BMPR1B: variants seen among roughly 807,000 people sequenced by gnomAD.
BMPR1B encodes bone morphogenetic protein receptor type-1B.
BMPR1B carries 12 observed loss-of-function variants against 59.1 expected under a neutral mutation model. The observed-to-expected ratio is 0.20, with a 90% CI of 0.13 to 0.33. The LOEUF (loss-of-function observed/expected upper bound fraction) is 0.33, where lower values mean the gene tolerates loss of function less well. Ranked by LOEUF, BMPR1B falls within the 10% of genes least tolerant of loss-of-function variation. The probability of loss-of-function intolerance (pLI) is 1.00; values close to 1 mark genes in which losing one functional copy is unlikely to be tolerated. For synonymous variants in BMPR1B, 237 were observed against 207.3 expected (o/e 1.14, Z -1.23); for missense variants, 550 against 610.9 (o/e 0.90, Z 1.05).
intron 10 of BMPR1B, among the ~76,000 whole-genome samples, chr4:95,147,096 C>T (rs1007036091): frequency 6.6e-6 from 1 of 151,624 alleles, no homozygotes; most frequent in Middle Eastern, 3.2e-3. Context: ...TTTTTTTTAA[C>T]GTCTTAACTT....
intron 3 of BMPR1B, among the ~76,000 whole-genome samples, chr4:95,063,296 A>G (rs1270577458): frequency 2.0e-5 from 3 of 152,184 alleles, no homozygotes; most frequent in Non-Finnish European, 2.9e-5. Context: ...TAATATGTGC[A>G]TGTTTCCATT....
intron 1 of BMPR1B, among the ~76,000 whole-genome samples, chr4:94,866,581 T>G (rs1370412931): frequency 6.6e-6 from 1 of 152,052 alleles, no homozygotes; most frequent in Non-Finnish European, 1.5e-5. Flanking sequence ...TGCTTTTTTG[T>G]TTTTGTTTGT....
At chr4:95,068,318 A>G (rs1209616827) in intron 3 of BMPR1B, among the ~76,000 whole-genome samples, 2 of 152,206 alleles carry the variant, frequency 1.3e-5, no homozygotes, top group Non-Finnish European at 2.9e-5. Context: ...CTTGTCTCTC[A>G]CATAATAGAC....
chr4:94,758,096 C>T (rs1163289709), intron 1 of BMPR1B, 28 bp downstream of exon 1: 1 of 148,638 alleles, frequency 6.7e-6, no homozygotes, highest in South Asian at 1.8e-4. Flanking sequence ...GGGCCCCGTC[C>T]CCTGCGGGTG....
intron 2 of BMPR1B, among the ~76,000 whole-genome samples, chr4:94,921,743 A>G (rs1057451824): frequency 2.6e-5 from 4 of 152,214 alleles, no homozygotes; most frequent in African/African-American, 9.6e-5. Context: ...AGATCCAATT[A>G]TATCAATAAA....
intron 3 of BMPR1B, among the ~76,000 whole-genome samples, chr4:95,059,451 A>G (rs990450773): frequency 1.3e-5 from 2 of 152,310 alleles, no homozygotes; most frequent in Non-Finnish European, 2.9e-5. Flanking sequence ...TAAAGGAGAA[A>G]GAGCCTTGTG....
chr4:94,869,875 C>T (rs1038775239), intron 1 of BMPR1B, among the ~76,000 whole-genome samples: 5 of 152,150 alleles, frequency 3.3e-5, no homozygotes, highest in East Asian at 3.9e-4. Context: ...CCACTTTCCC[C>T]CTTGAGGCCT....
At chr4:95,015,194 A>G (rs987925508) in intron 3 of BMPR1B, among the ~76,000 whole-genome samples, 1 of 152,148 alleles carries the variant, frequency 6.6e-6, no homozygotes, top group African/African-American at 2.4e-5. Context: ...GGTGATCTTC[A>G]CTGACACACA....
chr4:94,940,090 A>G (rs1412565669), intron 2 of BMPR1B, among the ~76,000 whole-genome samples: 1 of 152,220 alleles, frequency 6.6e-6, no homozygotes, highest in Non-Finnish European at 1.5e-5. Context: ...TAAAAAATAA[A>G]CATTTGTGAA....
chr4:94,909,249 G>A (rs1728182696), intron 2 of BMPR1B, among the ~76,000 whole-genome samples: 1 of 152,068 alleles, frequency 6.6e-6, no homozygotes, highest in East Asian at 1.9e-4. Flanking sequence ...TAATAGAGAA[G>A]ACTCTATTTC....
chr4:94,906,545 G>T (rs1050906335), intron 2 of BMPR1B, among the ~76,000 whole-genome samples: 1 of 151,912 alleles, frequency 6.6e-6, no homozygotes. Flanking sequence ...TGCATGTGGG[G>T]CTTAAAACCT....
At chr4:95,134,233 T>C (rs1024778504) in intron 10 of BMPR1B, among the ~76,000 whole-genome samples, 1 of 152,214 alleles carries the variant, frequency 6.6e-6, no homozygotes, top group Non-Finnish European at 1.5e-5. Context: ...TAGTATTCCA[T>C]GGTGTATATG....
At chr4:94,815,694 T>G (rs1179539624) in intron 1 of BMPR1B, among the ~76,000 whole-genome samples, 1 of 152,238 alleles carries the variant, frequency 6.6e-6, no homozygotes, top group East Asian at 1.9e-4. Flanking sequence ...TACTTTTACC[T>G]ACTCTAAGCA....
rs367590218 is a variant in BMPR1B at position 94,765,169 on chromosome 4, A to C, written c.-183+7101A>C. 3.3e-4 allele frequency among the ~76,000 whole-genome samples: 50 copies of C among 152,308 alleles called. No homozygotes were observed. In the South Asian group the frequency reaches 8.1e-3, roughly 25 times the overall value. ...TCTTGGCAGGAAAATTAGAAATTTCATATAAACCTTAAGAAAATAAAGTGC... is the reference window on the plus strand; with the variant it reads ...TCTTGGCAGGAAAATTAGAAATTTCCTATAAACCTTAAGAAAATAAAGTGC... On this transcript the variant is annotated intron_variant, in intron 1 of 12. Coordinates refer to ENST00000515059, the MANE Select transcript of BMPR1B (RefSeq NM_001203.3).
chr4:94,794,938 C>G (rs1314358994), intron 1 of BMPR1B, among the ~76,000 whole-genome samples: 1 of 147,110 alleles, frequency 6.8e-6, no homozygotes, highest in East Asian at 2.1e-4. Context: ...ATGGGGTTTT[C>G]TAGATATACA....
chr4:95,116,403 T>G (rs1180349022), intron 6 of BMPR1B, among the ~76,000 whole-genome samples: 3 of 110,004 alleles, frequency 2.7e-5, no homozygotes, highest in Non-Finnish European at 5.1e-5. Flanking sequence ...TTTCTCCTCC[T>G]CCATGCTTTC....
chr4:94,859,331 C>T (rs937009811), intron 1 of BMPR1B, among the ~76,000 whole-genome samples: 5 of 152,124 alleles, frequency 3.3e-5, no homozygotes, highest in South Asian at 2.1e-4. Context: ...AATTTTAAAA[C>T]GCTTTCCATC....
intron 3 of BMPR1B, among the ~76,000 whole-genome samples, chr4:95,044,615 T>C: frequency 6.6e-6 from 1 of 152,160 alleles, no homozygotes; most frequent in East Asian, 1.9e-4. Context: ...GGCAGAGCAA[T>C]GAAAGCAGAG....
At chr4:94,921,454 G>C (rs189306079) in intron 2 of BMPR1B, among the ~76,000 whole-genome samples, 24 of 152,170 alleles carry the variant, frequency 1.6e-4, no homozygotes, top group African/African-American at 5.5e-4. Context: ...CTTGGCTTTT[G>C]GAGAGGCCTC....
Sources: gnomAD v4.1 joint callset for allele counts (sites outside exome capture counted in the v4.1 genomes callset) on GRCh38, gnomAD v4.1.1 for gene constraint, MANE v1.5 for transcripts, NCBI Gene and HGNC (gene_info 2026-07-23, HGNC 2026-07-21) for gene names.